BMPR1A: variants seen among roughly 807,000 people sequenced by gnomAD.
BMPR1A encodes bone morphogenetic protein receptor type-1A.
A neutral mutation model predicts 66.0 loss-of-function variants in BMPR1A; 7 were observed. The observed-to-expected ratio is 0.11, with a 90% CI of 0.06 to 0.20. BMPR1A has a LOEUF of 0.20. BMPR1A is among the 10% of genes least tolerant of loss of function. The pLI is 1.00. For synonymous variants in BMPR1A, 200 were observed against 229.7 expected (o/e 0.87, Z 1.17); for missense variants, 408 against 669.1 (o/e 0.61, Z 4.31).
At chr10:86,873,304 G>C (rs1589755810) in intron 2 of BMPR1A, among the ~76,000 whole-genome samples, 1 of 152,164 alleles carries the variant, frequency 6.6e-6, no homozygotes, top group Middle Eastern at 3.4e-3. Flanking sequence ...CCAGATGCAG[G>C]CCAGTTGCAG....
chr10:86,871,204 A>G (rs1164605578), intron 2 of BMPR1A, among the ~76,000 whole-genome samples: 2 of 152,208 alleles, frequency 1.3e-5, no homozygotes, highest in Middle Eastern at 3.4e-3. Context: ...CGCTTCATCT[A>G]GATTAGAGGG....
chr10:86,770,181 C>G (rs185574320), intron 1 of BMPR1A, among the ~76,000 whole-genome samples: 47 of 152,318 alleles, frequency 3.1e-4, no homozygotes, highest in Middle Eastern at 3.4e-3. Context: ...GTCCCAGCTG[C>G]TCAGGAGGCT....
chr10:86,829,362 T>C lies in BMPR1A; in HGVS notation c.-267-9503T>C, dbSNP rs536704052. On this transcript the variant is annotated intron_variant, in intron 1 of 12. Coordinates refer to ENST00000372037, the MANE Select transcript of BMPR1A (RefSeq NM_004329.3). ...ATTTTTAATTTGAAATAACTAGGTT[T>C]ACAGGAAATTGCAAAAAATAGTAAG... Among the ~76,000 whole-genome samples the C allele has an allele frequency of 5.3e-5, 8 of 152,298 alleles. No homozygotes were observed. In the South Asian group the frequency reaches 1.7e-3, roughly 32 times the overall value.
intron 1 of BMPR1A, among the ~76,000 whole-genome samples, chr10:86,774,857 A>G (rs959092127): frequency 6.6e-5 from 10 of 152,252 alleles, no homozygotes; most frequent in African/African-American, 2.4e-4. Context: ...AAAATATATT[A>G]AATGAAATTA....
chr10:86,757,845 G>T (rs770803595), intron 1 of BMPR1A, among the ~76,000 whole-genome samples: 1 of 152,056 alleles, frequency 6.6e-6, no homozygotes, highest in Non-Finnish European at 1.5e-5. Flanking sequence ...TTGAACCCAG[G>T]AACATCGTAT....
At chr10:86,798,098 A>T (rs1841750734) in intron 1 of BMPR1A, among the ~76,000 whole-genome samples, 2 of 152,164 alleles carry the variant, frequency 1.3e-5, no homozygotes, top group South Asian at 4.1e-4. Context: ...TCTTCATTTA[A>T]GGTCATGGAT....
chr10:86,809,595 C>CTTTTTTTTT (rs71019431), intron 1 of BMPR1A, among the ~76,000 whole-genome samples: 18 of 123,854 alleles, frequency 1.5e-4, no homozygotes, highest in African/African-American at 3.8e-4. Flanking sequence ...CACCCGACCT[C>CTTTTTTTTT]TTTTTTTTTT....
At position 86,923,444 on chromosome 10, in the gene BMPR1A, C is replaced by T. The variant is rs771452619; in HGVS notation, c.1411C>T (p.Arg471Cys). The stretch of plus-strand genomic sequence containing the variant: ...GAGTGATCCGTCATACGAAGATATG[C>T]GTGAGGTTGTGTGTGTCAAACGTTT... The part of the protein sequence containing the change: ...VPSDPSYEDM[R>C]EVVCVKRLRP... The change falls in exon 12 of 13, where the codon CGT becomes TGT. Residue 471 changes from arginine to cysteine, a missense_variant. Coordinates refer to ENST00000372037, the MANE Select transcript of BMPR1A (RefSeq NM_004329.3). 5.6e-6 allele frequency: 9 copies of T among 1,613,988 alleles called. No individual in the cohort carries two copies. Among genetic ancestry groups the T allele is most frequent in the Admixed American group, 5.0e-5 (3 of 59,996 alleles).
At chr10:86,786,240 C>G (rs1487522489) in intron 1 of BMPR1A, among the ~76,000 whole-genome samples, 1 of 152,130 alleles carries the variant, frequency 6.6e-6, no homozygotes, top group Non-Finnish European at 1.5e-5. Context: ...ACTGTTGTTT[C>G]TCTCATCTTA....
chr10:86,905,566 G>A (rs1283757509), intron 7 of BMPR1A, among the ~76,000 whole-genome samples: 1 of 152,098 alleles, frequency 6.6e-6, no homozygotes, highest in Non-Finnish European at 1.5e-5. Flanking sequence ...TGCCCATGGT[G>A]AATCTTGTGT....
intron 1 of BMPR1A, among the ~76,000 whole-genome samples, chr10:86,770,318 A>T (rs893356902): frequency 1.3e-5 from 2 of 152,148 alleles, no homozygotes; most frequent in Non-Finnish European, 1.5e-5. Flanking sequence ...CAACTGAGGC[A>T]GGAGGACTGC....
chr10:86,874,157 G>A (rs548499457), intron 2 of BMPR1A, among the ~76,000 whole-genome samples: 1 of 152,070 alleles, frequency 6.6e-6, no homozygotes, highest in Non-Finnish European at 1.5e-5. Context: ...AATGGGATGG[G>A]GGTAAAGTAG....
chr10:86,889,844 T>A lies in BMPR1A; in HGVS notation c.68-218T>A. 5.3e-6 allele frequency: 3 copies of A among 566,432 alleles called. No individual in the cohort carries two copies. The South Asian group carries it at 6.5e-5, about 12-fold the overall frequency. 35.1% of individuals were successfully genotyped at this position (566,432 alleles called of 1,614,324 possible). ...TTTCACTAGTGCAAAAATTGTGATA[T>A]AGCTGTCTTCATGTACCCCGCAATA... On this transcript the variant is annotated intron_variant, in intron 3 of 12. Transcript: ENST00000372037.
At chr10:86,805,460 C>CTTTT (rs1453682066) in intron 1 of BMPR1A, among the ~76,000 whole-genome samples, 6 of 113,770 alleles carry the variant, frequency 5.3e-5, no homozygotes, top group Non-Finnish European at 9.4e-5. Flanking sequence ...ATTTCAGTTT[C>CTTTT]CTTTTTTTTT....
chr10:86,810,363 T>C (rs1468574169), intron 1 of BMPR1A, among the ~76,000 whole-genome samples: 4 of 152,218 alleles, frequency 2.6e-5, no homozygotes, highest in African/African-American at 9.6e-5. Flanking sequence ...CTTTTGGCTG[T>C]TGTTCCAGAT....
intron 2 of BMPR1A, among the ~76,000 whole-genome samples, chr10:86,866,408 T>TTTCTTTTTC (rs1416653210): frequency 5.4e-5 from 6 of 110,454 alleles, no homozygotes; most frequent in East Asian, 2.5e-4. Context: ...TCTTTTTTTT[T>TTTCTTTTTC]TTTTTTTTTT....
chr10:86,857,594 A>G (rs1842658441), intron 2 of BMPR1A, among the ~76,000 whole-genome samples: 1 of 152,118 alleles, frequency 6.6e-6, no homozygotes, highest in South Asian at 2.1e-4. Context: ...AGCAGGGGCT[A>G]CAGTCATCTG....
At chr10:86,803,660 G>A (rs1348870276) in intron 1 of BMPR1A, among the ~76,000 whole-genome samples, 5 of 151,908 alleles carry the variant, frequency 3.3e-5, no homozygotes, top group African/African-American at 1.2e-4. Context: ...TCTACTTTTG[G>A]TCTTTTGTGA....
rs115872450 is a variant in BMPR1A, at chr10:86,855,249, G to C, written c.-153+16270G>C. Reference sequence around the variant, plus strand: ...AGAGGCTTCAGGTTTCAGACACACAGAAGCATAATTCTGGCCATACAAAAA... The same window carrying C: ...AGAGGCTTCAGGTTTCAGACACACACAAGCATAATTCTGGCCATACAAAAA... On this transcript the variant is annotated intron_variant, in intron 2 of 12. Transcript: ENST00000372037. 558 of 1,078,544 alleles carry C rather than the reference G, an allele frequency of 5.2e-4. 1 individual carries two copies. Among genetic ancestry groups the C allele is most frequent in the African/African-American group, 3.7e-3 (226 of 61,574 alleles). The allele number at this position is 1,078,544 out of a possible 1,614,324, so 66.8% of individuals were successfully genotyped here. A position where few individuals can be genotyped will look rare whatever the true frequency, so the allele number is the denominator to read the frequency against.
Sources: gnomAD v4.1 joint callset for allele counts (sites outside exome capture counted in the v4.1 genomes callset) on GRCh38, gnomAD v4.1.1 for gene constraint, MANE v1.5 for transcripts, NCBI Gene and HGNC (gene_info 2026-07-23, HGNC 2026-07-21) for gene names.